The following TENM3 variants were observed in gnomAD, a reference collection of about 807,000 sequenced individuals.
The protein encoded by TENM3 is teneurin-3.
In TENM3, 63 loss-of-function variants were observed where a neutral mutation model predicts 255.1. That is an observed-to-expected ratio of 0.25 (90% CI 0.20 to 0.30). TENM3 has a LOEUF of 0.30. TENM3 is among the 10% of genes least tolerant of loss of function. The pLI is 1.00. For missense variants in TENM3, 2,929 were observed against 3,461.1 expected (o/e 0.85, Z 3.86); for synonymous variants, 1,306 against 1,322.3 (o/e 0.99, Z 0.27).
chr4:181,553,382 A>G, the TENM3 span, among the ~76,000 whole-genome samples: 15 of 151,876 alleles, frequency 9.9e-5, no homozygotes, highest in Non-Finnish European at 1.2e-4. Context: ...TTTTATGTAT[A>G]TATCCAAGCA....
chr4:182,564,244 G>T (rs1743523022), intron 3 of TENM3, among the ~76,000 whole-genome samples: 1 of 151,410 alleles, frequency 6.6e-6, no homozygotes, highest in Non-Finnish European at 1.5e-5. Context: ...TCTACTGAAT[G>T]CTTCTCTTTA....
the TENM3 span, among the ~76,000 whole-genome samples, chr4:181,527,431 T>C: frequency 6.6e-6 from 1 of 152,066 alleles, no homozygotes; most frequent in Non-Finnish European, 1.5e-5. Context: ...TGCAGTGGCT[T>C]GATCTCGGCT....
At chr4:182,239,033 A>ATGTGTGTGTGTGTG (rs10533748), upstream of TENM3, among the ~76,000 whole-genome samples, 3 of 140,114 alleles carry the variant, frequency 2.1e-5, no homozygotes, top group African/African-American at 8.1e-5. Flanking sequence ...AAAAATCTTT[A>ATGTGTGTGTGTGTG]TGTGTGTGTG....
At chr4:181,868,079 G>A in the TENM3 span, among the ~76,000 whole-genome samples, 145 of 152,066 alleles carry the variant, frequency 9.5e-4, 2 homozygotes, top group African/African-American at 3.1e-3. Context: ...TATATTTTAC[G>A]GGAAATTTTT....
At chr4:182,771,152 G>A (rs1213563257) in intron 22 of TENM3, among the ~76,000 whole-genome samples, 1 of 152,222 alleles carries the variant, frequency 6.6e-6, no homozygotes, top group Non-Finnish European at 1.5e-5. Context: ...AGCAGGGAAT[G>A]GAATGTGTGG....
intron 19 of TENM3, among the ~76,000 whole-genome samples, chr4:182,744,534 G>C (rs558256685): frequency 6.6e-6 from 1 of 152,220 alleles, no homozygotes; most frequent in African/African-American, 2.4e-5. Context: ...AGGCCTGCCT[G>C]GTTCCAAGAA....
chr4:182,163,704 A>T (rs576567541), intron 1 of TENM3, among the ~76,000 whole-genome samples: 1 of 152,206 alleles, frequency 6.6e-6, no homozygotes, highest in Non-Finnish European at 1.5e-5. Flanking sequence ...AACTGAGGAT[A>T]AACGTGTAGC....
intron 4 of TENM3, among the ~76,000 whole-genome samples, chr4:182,622,980 T>A: frequency 6.6e-6 from 1 of 151,910 alleles, no homozygotes; most frequent in Non-Finnish European, 1.5e-5. Flanking sequence ...TTTGTTTATG[T>A]TTTTTATTTT....
At chr4:182,450,948 A>G (rs1341884338) in intron 3 of TENM3, among the ~76,000 whole-genome samples, 4 of 152,210 alleles carry the variant, frequency 2.6e-5, no homozygotes, top group African/African-American at 4.8e-5. Flanking sequence ...GTTTTTAATG[A>G]CTAGTTTCTT....
the TENM3 span, among the ~76,000 whole-genome samples, chr4:181,962,838 C>T: frequency 1.3e-5 from 2 of 152,142 alleles, no homozygotes; most frequent in African/African-American, 4.8e-5. Flanking sequence ...GTTATCAACA[C>T]GTAGACTAAA....
At chr4:182,299,397 G>A (rs1162623226) in intron 1 of TENM3, among the ~76,000 whole-genome samples, 4 of 152,178 alleles carry the variant, frequency 2.6e-5, no homozygotes, top group African/African-American at 9.6e-5. Context: ...AAGGAAGCCT[G>A]TGCTCCTCTA....
intron 1 of TENM3, among the ~76,000 whole-genome samples, chr4:182,211,275 G>T (rs1353579410): frequency 6.6e-6 from 1 of 152,176 alleles, no homozygotes; most frequent in Non-Finnish European, 1.5e-5. Context: ...TACACGCATT[G>T]TTTTTTATAC....
the TENM3 span, among the ~76,000 whole-genome samples, chr4:181,569,234 G>C: frequency 1.3e-5 from 2 of 152,078 alleles, no homozygotes; most frequent in South Asian, 4.2e-4. Context: ...TATTGTGTCT[G>C]GTCCTCCGAG....
chr4:181,686,745 A>G, the TENM3 span, among the ~76,000 whole-genome samples: 1 of 152,312 alleles, frequency 6.6e-6, no homozygotes, highest in East Asian at 1.9e-4. Flanking sequence ...AGTGGAAATC[A>G]TCTAGTGGGT....
intron 1 of TENM3, among the ~76,000 whole-genome samples, chr4:182,224,896 C>A (rs930648993): frequency 6.6e-6 from 1 of 152,038 alleles, no homozygotes; most frequent in African/African-American, 2.4e-5. Flanking sequence ...GCCGCCACAC[C>A]TGGCTAATTT....
intron 3 of TENM3, among the ~76,000 whole-genome samples, chr4:182,352,292 T>C (rs989299421): frequency 6.6e-6 from 1 of 152,186 alleles, no homozygotes; most frequent in Non-Finnish European, 1.5e-5. Context: ...TTACTGTAAT[T>C]AAATGAATGT....
chr4:181,957,377 C>T, the TENM3 span, among the ~76,000 whole-genome samples: 2 of 152,044 alleles, frequency 1.3e-5, no homozygotes, highest in Admixed American at 6.6e-5. Context: ...AGCAAGGGGG[C>T]GGATCACAAA....
chr4:181,487,842 C>T, the TENM3 span, among the ~76,000 whole-genome samples: 5 of 152,124 alleles, frequency 3.3e-5, no homozygotes, highest in Admixed American at 2.6e-4. Flanking sequence ...AGAAGTATGG[C>T]GTCCAGGCTT....
rs77448760 is a variant in TENM3, at chr4:182,592,128, CTTT to C, written c.512-8781_512-8779del. ...TTTATAATACCACCTTTCTTTTCTT[CTTT>C]TTTTTTTTTTTTTTACATCTGCAAC... On this transcript the variant is annotated intron_variant, in intron 3 of 27. Coordinates refer to ENST00000511685, the MANE Select transcript of TENM3 (RefSeq NM_001080477.4). Among the ~76,000 whole-genome samples the C allele has an allele frequency of 3.3e-3, 455 of 137,592 alleles. 1 individual carries two copies. Among genetic ancestry groups the C allele is most frequent in the South Asian group, 7.9e-3 (34 of 4,330 alleles). The allele number at this position is 137,592 out of a possible 152,430, so 90.3% of individuals were successfully genotyped here.
Sources: allele counts gnomAD v4.1 joint callset (sites outside exome capture counted in the v4.1 genomes callset), GRCh38; gene constraint gnomAD v4.1.1; transcripts MANE v1.5; gene names NCBI Gene and HGNC (gene_info 2026-07-23, HGNC 2026-07-21).